PLPP4: variants seen among roughly 807,000 people sequenced by gnomAD.
PLPP4 encodes the protein phospholipid phosphatase 4.
PLPP4 carries 20 observed loss-of-function variants against 32.2 expected under a neutral mutation model. The ratio of observed to expected loss-of-function variants is 0.62; its 90% confidence interval spans 0.44 to 0.90. The LOEUF (loss-of-function observed/expected upper bound fraction) is 0.90. PLPP4 is among the 40% of genes least tolerant of loss of function. The pLI is 0.00. For missense variants in PLPP4, 257 were observed against 353.1 expected (o/e 0.73, Z 2.18); for synonymous variants, 127 against 133.0 (o/e 0.95, Z 0.31).
chr10:120,549,615 G>C (rs1170596987), intron 5 of PLPP4, among the ~76,000 whole-genome samples: 1 of 151,910 alleles, frequency 6.6e-6, no homozygotes, highest in African/African-American at 2.4e-5. Flanking sequence ...TGTAGATACA[G>C]AATTCTCAAA....
chr10:120,470,754 T>C (rs773876077), intron 1 of PLPP4, among the ~76,000 whole-genome samples: 6 of 150,296 alleles, frequency 4.0e-5, no homozygotes, highest in Non-Finnish European at 7.4e-5. Context: ...TTTAGATATC[T>C]GTAGGGAAAA....
At chr10:120,509,705 A>G (rs144863177) in intron 2 of PLPP4, among the ~76,000 whole-genome samples, 30 of 152,322 alleles carry the variant, frequency 2.0e-4, no homozygotes, top group African/African-American at 7.0e-4. Context: ...GGTTATTTGT[A>G]CAATGGGAAT....
At chr10:120,550,736 T>A (rs1259198917) in intron 5 of PLPP4, among the ~76,000 whole-genome samples, 3 of 152,030 alleles carry the variant, frequency 2.0e-5, no homozygotes, top group African/African-American at 7.2e-5. Flanking sequence ...TACCTCATGC[T>A]ATATATAAAA....
intron 1 of PLPP4, among the ~76,000 whole-genome samples, chr10:120,495,477 G>A (rs1231258991): frequency 2.0e-5 from 3 of 152,130 alleles, no homozygotes; most frequent in African/African-American, 7.2e-5. Context: ...CTTTTCTGCT[G>A]ACCACATCGG....
intron 6 of PLPP4, among the ~76,000 whole-genome samples, chr10:120,576,021 A>G (rs75640350): frequency 0.017 from 2,571 of 152,230 alleles, 82 homozygotes; most frequent in African/African-American, 0.059. Flanking sequence ...CATGGGGTCT[A>G]GGGAAGGGTT....
chr10:120,521,893 A>G (rs142185814), intron 5 of PLPP4, among the ~76,000 whole-genome samples: 1 of 152,376 alleles, frequency 6.6e-6, no homozygotes, highest in African/African-American at 2.4e-5. Context: ...GTGACTTTCA[A>G]TAAACAGTAG....
intron 5 of PLPP4, among the ~76,000 whole-genome samples, chr10:120,542,116 G>C (rs4751790): frequency 0.95 from 145,134 of 152,276 alleles, 69,243 homozygotes; most frequent in East Asian, 0.99. Context: ...GCAAGGCGCT[G>C]TTGCCTGCTA....
intron 1 of PLPP4, among the ~76,000 whole-genome samples, chr10:120,474,645 A>G (rs540370687): frequency 6.6e-6 from 1 of 152,312 alleles, no homozygotes; most frequent in Admixed American, 6.5e-5. Context: ...AACCCATGTG[A>G]AACATTGATG....
At position 120,581,663 on chromosome 10, in the gene PLPP4, C is replaced by T. The variant is rs150721105; in HGVS notation, c.616+6362C>T. Among the ~76,000 whole-genome samples the T allele has an allele frequency of 2.1e-3, 315 of 152,276 alleles. 2 individuals carry two copies. The highest frequency in any genetic ancestry group is 3.9e-3 in the Non-Finnish European group (263 of 68,018). On this transcript the variant is annotated intron_variant, in intron 6 of 6. Coordinates refer to ENST00000398250, the MANE Select transcript of PLPP4 (RefSeq NM_001030059.3). ...TCCCACCTCAGAGCCTTTCCACAGG[C>T]TCCACCTTGTGCCTGGAATGCTCTT...
intron 3 of PLPP4, 109 bp downstream of exon 3, chr10:120,514,110 T>G (rs1845840283): frequency 1.2e-6 from 1 of 858,230 alleles, no homozygotes; most frequent in Admixed American, 1.8e-5. Context: ...TTGGTCAAAT[T>G]AAGCTGGGGA....
chr10:120,481,062 G>A (rs766534923), intron 1 of PLPP4, among the ~76,000 whole-genome samples: 5 of 152,214 alleles, frequency 3.3e-5, no homozygotes, highest in Non-Finnish European at 7.3e-5. Flanking sequence ...CCTGTGAGAC[G>A]CTCCACCCTG....
chr10:120,509,945 G>A (rs1430618584), intron 2 of PLPP4, among the ~76,000 whole-genome samples: 2 of 152,306 alleles, frequency 1.3e-5, no homozygotes, highest in Non-Finnish European at 2.9e-5. Context: ...GTGGTCAAAA[G>A]TGCAGAGCCT....
At chr10:120,463,627 C>G (rs145728431) in intron 1 of PLPP4, among the ~76,000 whole-genome samples, 9 of 152,316 alleles carry the variant, frequency 5.9e-5, no homozygotes, top group Non-Finnish European at 1.0e-4. Context: ...AATGGCAGCA[C>G]AGCACAGTGG....
chr10:120,552,998 G>A (rs756180762), intron 5 of PLPP4, among the ~76,000 whole-genome samples: 3 of 152,134 alleles, frequency 2.0e-5, no homozygotes, highest in Non-Finnish European at 4.4e-5. Context: ...CTCAACATTC[G>A]AGTTACTATT....
At chr10:120,585,598 C>T (rs1849715445) in intron 6 of PLPP4, among the ~76,000 whole-genome samples, 1 of 152,162 alleles carries the variant, frequency 6.6e-6, no homozygotes, top group African/African-American at 2.4e-5. Flanking sequence ...AAATTATCAT[C>T]ACAACTTAAT....
intron 5 of PLPP4, among the ~76,000 whole-genome samples, chr10:120,531,292 G>A (rs1846706454): frequency 6.6e-6 from 1 of 151,914 alleles, no homozygotes; most frequent in Admixed American, 6.5e-5. Context: ...TTTTAGTAGA[G>A]ACGGGGATTC....
chr10:120,568,102 G>A (rs774630470), intron 5 of PLPP4, among the ~76,000 whole-genome samples: 7 of 152,202 alleles, frequency 4.6e-5, no homozygotes, highest in Non-Finnish European at 7.3e-5. Context: ...GGCTTAGCTC[G>A]GGACAGTAGC....
intron 1 of PLPP4, among the ~76,000 whole-genome samples, chr10:120,502,604 G>A (rs558434836): frequency 6.6e-6 from 1 of 152,096 alleles, no homozygotes; most frequent in Non-Finnish European, 1.5e-5. Flanking sequence ...CCCTGGAGTG[G>A]CTCCTGCCCT....
At chr10:120,548,530 C>T (rs924881979) in intron 5 of PLPP4, among the ~76,000 whole-genome samples, 2 of 152,076 alleles carry the variant, frequency 1.3e-5, no homozygotes, top group African/African-American at 2.4e-5. Flanking sequence ...AATAGTGCTG[C>T]GATGAACATA....
Sources: allele counts gnomAD v4.1 joint callset (sites outside exome capture counted in the v4.1 genomes callset), GRCh38; gene constraint gnomAD v4.1.1; transcripts MANE v1.5; gene names NCBI Gene and HGNC (gene_info 2026-07-23, HGNC 2026-07-21).